The following PXDNL variants were observed in gnomAD, a reference collection of about 807,000 sequenced individuals.
PXDNL encodes peroxidasin like, also known as probable oxidoreductase PXDNL.
In PXDNL, 145 loss-of-function variants were observed where a neutral mutation model predicts 150.8. The observed-to-expected ratio is 0.96, with a 90% CI of 0.84 to 1.10. The LOEUF (loss-of-function observed/expected upper bound fraction) is 1.10. Among genes scored for constraint, PXDNL ranks in the 50% least tolerant of loss-of-function variants. PXDNL has a pLI of 0.00. For missense variants in PXDNL, 2,087 were observed against 1,873.9 expected, an observed-to-expected ratio of 1.11 and a Z score of -2.10; for synonymous variants, 757 against 725.7, an observed-to-expected ratio of 1.04 and a Z score of -0.69.
chr8:51,645,910 T>G (rs1399599398), intron 2 of PXDNL, among the ~76,000 whole-genome samples: 1 of 152,042 alleles, frequency 6.6e-6, no homozygotes, highest in African/African-American at 2.4e-5. Context: ...ATGCTCACCT[T>G]GAAGGTGAGT....
chr8:51,397,159 C>T (rs1412420707), intron 17 of PXDNL, among the ~76,000 whole-genome samples: 5 of 152,198 alleles, frequency 3.3e-5, no homozygotes, highest in East Asian at 1.9e-4. Flanking sequence ...TTACCAACTG[C>T]GGACCATTCT....
At chr8:51,331,509 G>A (rs1011177986) in intron 21 of PXDNL, among the ~76,000 whole-genome samples, 4 of 152,286 alleles carry the variant, frequency 2.6e-5, no homozygotes, top group African/African-American at 2.4e-5. Context: ...GCGTGAATCC[G>A]GCTTACAGAC....
chr8:51,714,338 T>C (rs1464304615), intron 1 of PXDNL, among the ~76,000 whole-genome samples: 1 of 152,250 alleles, frequency 6.6e-6, no homozygotes, highest in African/African-American at 2.4e-5. Context: ...ATTGCTGCGC[T>C]ATTATCCACC....
chr8:51,531,317 T>C (rs962392548), intron 4 of PXDNL, among the ~76,000 whole-genome samples: 1 of 152,230 alleles, frequency 6.6e-6, no homozygotes, highest in Non-Finnish European at 1.5e-5. Flanking sequence ...ATCTCCATGT[T>C]CTCTAACGAG....
At chr8:51,776,371 C>T (rs144511960) in intron 1 of PXDNL, among the ~76,000 whole-genome samples, 1 of 152,264 alleles carries the variant, frequency 6.6e-6, no homozygotes, top group African/African-American at 2.4e-5. Flanking sequence ...GGTTGGGGGG[C>T]ATCACAGAAC....
intron 1 of PXDNL, among the ~76,000 whole-genome samples, chr8:51,739,884 A>AAAC: frequency 6.6e-6 from 1 of 151,870 alleles, no homozygotes; most frequent in East Asian, 1.9e-4. Context: ...TCAAAAAAAA[A>AAAC]AAAAAATCAA....
At chr8:51,780,544 A>G (rs1245559137) in intron 1 of PXDNL, among the ~76,000 whole-genome samples, 1 of 27,794 alleles carries the variant, frequency 3.6e-5, no homozygotes, top group African/African-American at 4.0e-5. Context: ...GCTGTAATAA[A>G]CTACTACCAT....
intron 2 of PXDNL, among the ~76,000 whole-genome samples, chr8:51,613,489 G>GT (rs1224128992): frequency 1.2e-5 from 1 of 86,216 alleles, no homozygotes; most frequent in Non-Finnish European, 3.1e-5. Flanking sequence ...GGGGGCGGGG[G>GT]GGGGGCAGGG....
intron 17 of PXDNL, among the ~76,000 whole-genome samples, chr8:51,377,280 A>C (rs989686635): frequency 6.6e-6 from 1 of 151,446 alleles, no homozygotes; most frequent in Admixed American, 6.6e-5. Context: ...TTTCTTTTTA[A>C]GAGACAGGGT....
At chr8:51,804,339 T>C (rs1585763524) in intron 1 of PXDNL, among the ~76,000 whole-genome samples, 2 of 152,194 alleles carry the variant, frequency 1.3e-5, no homozygotes, top group African/African-American at 4.8e-5. Context: ...GGGAGGAAGG[T>C]TGGCCCTAAG....
chr8:51,443,897 A>T (rs1310447498), intron 12 of PXDNL, among the ~76,000 whole-genome samples: 1 of 152,094 alleles, frequency 6.6e-6, no homozygotes, highest in Non-Finnish European at 1.5e-5. Context: ...TTTTTTTATT[A>T]TCCTTTAAGT....
intron 17 of PXDNL, among the ~76,000 whole-genome samples, chr8:51,400,084 G>T (rs980884597): frequency 6.6e-6 from 1 of 152,198 alleles, no homozygotes; most frequent in African/African-American, 2.4e-5. Flanking sequence ...TACAGGTTGT[G>T]AGTATCCCTT....
At chr8:51,668,612 TGGTGCTGTA>T (rs1815438353) in intron 1 of PXDNL, among the ~76,000 whole-genome samples, 1 of 152,230 alleles carries the variant, frequency 6.6e-6, no homozygotes, top group African/African-American at 2.4e-5. Flanking sequence ...ATATGACTGC[TGGTGCTGTA>T]TTTCAGTTCA....
intron 17 of PXDNL, among the ~76,000 whole-genome samples, chr8:51,393,094 C>A (rs1563389296): frequency 6.6e-6 from 1 of 152,104 alleles, no homozygotes; most frequent in Non-Finnish European, 1.5e-5. Flanking sequence ...GAATGTCATG[C>A]CGCTCTGAAA....
At chr8:51,504,817 G>A (rs1159423992) in intron 4 of PXDNL, among the ~76,000 whole-genome samples, 1 of 152,218 alleles carries the variant, frequency 6.6e-6, no homozygotes, top group Non-Finnish European at 1.5e-5. Flanking sequence ...CAAACGTGAG[G>A]ATAAGACATT....
rs575102133 is a variant in PXDNL, at chr8:51,744,153, G to A, written c.164+65028C>T. Among the ~76,000 whole-genome samples the A allele has an allele frequency of 5.3e-5, 6 of 113,152 alleles. No individual in the cohort carries two copies. In the East Asian group the frequency reaches 1.4e-3, roughly 26 times the overall value. 74.2% of individuals were successfully genotyped at this position (113,152 alleles called of 152,430 possible). ...AAGAGAAAGGAAGGAAGAAGGGAGG[G>A]AGGAAGGAAGGAAAGAAGGAAGGAA... On this transcript the variant is annotated intron_variant, in intron 1 of 22. Transcript: ENST00000356297.
Position 51,530,080 on chromosome 8 carries a change from C to T in PXDNL, c.380+26760G>A, listed in dbSNP as rs1488194405. On this transcript the variant is annotated intron_variant, in intron 4 of 22. Coordinates refer to ENST00000356297, the MANE Select transcript of PXDNL (RefSeq NM_144651.5). ...TTGTGGATATAGGTTGAAGATAAAG[C>T]AGATAGACTATCAGATGATCAAGGG... 2.6e-5 allele frequency among the ~76,000 whole-genome samples: 4 copies of T among 152,144 alleles called. No homozygotes were observed. The East Asian group carries it at 7.7e-4, about 29-fold the overall frequency.
chr8:51,320,048 C>T (rs1240805535), intron 22 of PXDNL, 26 bp from the exon 23 acceptor site: 8 of 1,390,116 alleles, frequency 5.8e-6, no homozygotes, highest in African/African-American at 1.5e-5. Context: ...CACATATCAC[C>T]TCCATGTTTC....
Position 51,592,701 on chromosome 8 carries a change from GA to G in PXDNL, c.237-4del. ...TGATGTGGTTGTTGTTCAGCAGACTGAAAAAGCAAAAACAAACAAATAATTC... is the reference window on the plus strand; with the variant it reads ...TGATGTGGTTGTTGTTCAGCAGACTGAAAAGCAAAAACAAACAAATAATTC... On this transcript the variant is annotated splice_polypyrimidine_tract_variant and splice_region_variant and intron_variant, in intron 2 of 22. Coordinates refer to ENST00000356297, the MANE Select transcript of PXDNL (RefSeq NM_144651.5). 6.5e-7 allele frequency: 1 copy of G among 1,539,574 alleles called. No homozygotes were observed.
Sources: allele counts gnomAD v4.1 joint callset (sites outside exome capture counted in the v4.1 genomes callset), GRCh38; gene constraint gnomAD v4.1.1; transcripts MANE v1.5; gene names NCBI Gene and HGNC (gene_info 2026-07-23, HGNC 2026-07-21).